The following PTPRT variants were observed in gnomAD, a reference collection of about 807,000 sequenced individuals.
PTPRT encodes the protein receptor-type tyrosine-protein phosphatase T.
Under a neutral mutation model 176.8 loss-of-function variants are expected in PTPRT, and 56 were observed. The observed-to-expected ratio is 0.32, with a 90% CI of 0.26 to 0.40. PTPRT has a LOEUF of 0.40. PTPRT is among the 10% of genes least tolerant of loss of function. The probability of loss-of-function intolerance (pLI) is 1.00; values close to 1 mark genes in which losing one functional copy is unlikely to be tolerated. For synonymous variants in PTPRT, 783 were observed against 739.0 expected (o/e 1.06, Z -0.96); for missense variants, 1,540 against 1,908.2 (o/e 0.81, Z 3.60).
At chr20:42,106,982 C>G (rs948350766) in intron 23 of PTPRT, 61 bp from the exon 24 acceptor site, 3 of 1,579,458 alleles carry the variant, frequency 1.9e-6, no homozygotes, top group Admixed American at 1.7e-5. Context: ...CCTGGGGAGG[C>G]CCCTAGCATT....
At chr20:43,133,556 T>C (rs2013714386) in intron 1 of PTPRT, among the ~76,000 whole-genome samples, 1 of 152,014 alleles carries the variant, frequency 6.6e-6, no homozygotes, top group South Asian at 2.1e-4. Flanking sequence ...CCATCCTGGC[T>C]AACACACAGT....
chr20:42,138,187 A>G (rs1191078935), intron 18 of PTPRT, among the ~76,000 whole-genome samples: 2 of 152,230 alleles, frequency 1.3e-5, no homozygotes, highest in Non-Finnish European at 2.9e-5. Context: ...TGCTGTAGGC[A>G]TTATACTTTG....
At chr20:42,419,821 C>T (rs1260649239) in intron 9 of PTPRT, among the ~76,000 whole-genome samples, 1 of 152,086 alleles carries the variant, frequency 6.6e-6, no homozygotes, top group East Asian at 1.9e-4. Flanking sequence ...TTAGGGTGGG[C>T]CCTAGACCAA....
At chr20:43,106,296 T>C (rs532948495) in intron 1 of PTPRT, among the ~76,000 whole-genome samples, 27 of 152,168 alleles carry the variant, frequency 1.8e-4, no homozygotes, top group Middle Eastern at 3.4e-3. Flanking sequence ...AGTGCAAATG[T>C]TCAGTAAAAT....
chr20:42,771,635 G>A, intron 4 of PTPRT, 85 bp from the exon 5 acceptor site: 3 of 1,083,376 alleles, frequency 2.8e-6, no homozygotes, highest in Admixed American at 3.4e-5. Flanking sequence ...CTCAGGATGG[G>A]CACTGGGCAG....
intron 7 of PTPRT, among the ~76,000 whole-genome samples, chr20:42,513,517 GTTC>G (rs1034314867): frequency 4.6e-5 from 7 of 151,934 alleles, no homozygotes; most frequent in African/African-American, 1.7e-4. Flanking sequence ...ATTATTTTGT[GTTC>G]TTATTTTCTA....
At chr20:42,576,032 C>T (rs369728395) in intron 7 of PTPRT, among the ~76,000 whole-genome samples, 8 of 152,296 alleles carry the variant, frequency 5.3e-5, no homozygotes, top group Admixed American at 1.3e-4. Flanking sequence ...ATACTCCTGA[C>T]GTGGCAACCT....
chr20:43,067,302 G>T (rs1401123015), intron 1 of PTPRT, among the ~76,000 whole-genome samples: 1 of 152,178 alleles, frequency 6.6e-6, no homozygotes, highest in East Asian at 1.9e-4. Flanking sequence ...CAGACGGGTG[G>T]TTGCCAGGGA....
chr20:42,271,522 G>A (rs1436866214), intron 13 of PTPRT, among the ~76,000 whole-genome samples: 4 of 152,132 alleles, frequency 2.6e-5, no homozygotes, highest in African/African-American at 9.7e-5. Context: ...AAGCAGACAC[G>A]GTGTCCCATT....
rs1222481716 is a variant in PTPRT at position 42,775,792 on chromosome 20, C to T, written c.569-4242G>A. On this transcript the variant is annotated intron_variant, in intron 4 of 30. Transcript: ENST00000373187. ...GGAATCACTTATTGATAAACTCTGA[C>T]CATATGTTAATAGAAAATATGTTTT... Among the ~76,000 whole-genome samples the T allele has an allele frequency of 3.3e-5, 5 of 152,096 alleles. No homozygotes were observed. The East Asian group carries it at 9.6e-4, about 29-fold the overall frequency.
At chr20:42,300,834 C>T (rs1339083857) in intron 12 of PTPRT, among the ~76,000 whole-genome samples, 1 of 150,654 alleles carries the variant, frequency 6.6e-6, no homozygotes, top group African/African-American at 2.4e-5. Flanking sequence ...TGGAAATCAT[C>T]ATTCTCAGTA....
intron 15 of PTPRT, among the ~76,000 whole-genome samples, chr20:42,205,705 C>T (rs2055440115): frequency 6.6e-6 from 1 of 152,176 alleles, no homozygotes; most frequent in African/African-American, 2.4e-5. Flanking sequence ...CACTCTTCCT[C>T]TTCCCCATAG....
intron 7 of PTPRT, among the ~76,000 whole-genome samples, chr20:42,577,125 TA>T (rs1356146005): frequency 6.6e-6 from 1 of 152,132 alleles, no homozygotes; most frequent in East Asian, 1.9e-4. Context: ...AGGAAGAGTA[TA>T]TAGAGGCAGT....
intron 1 of PTPRT, among the ~76,000 whole-genome samples, chr20:43,081,086 T>G (rs564138764): frequency 1.6e-3 from 238 of 152,352 alleles, no homozygotes; most frequent in African/African-American, 5.6e-3. Context: ...GCTTGTCATT[T>G]GTCTTCTTTG....
intron 14 of PTPRT, among the ~76,000 whole-genome samples, chr20:42,244,454 G>A (rs2056413581): frequency 6.6e-6 from 1 of 152,126 alleles, no homozygotes; most frequent in Non-Finnish European, 1.5e-5. Flanking sequence ...GAGGAGACAG[G>A]GTCTGGCTAG....
chr20:42,466,983 C>T (rs184158809), intron 8 of PTPRT, among the ~76,000 whole-genome samples: 71 of 152,126 alleles, frequency 4.7e-4, no homozygotes, highest in African/African-American at 1.7e-3. Context: ...ATATTTGAGG[C>T]AATTTGAGCA....
At chr20:42,576,423 C>T (rs1420554072) in intron 7 of PTPRT, among the ~76,000 whole-genome samples, 3 of 152,202 alleles carry the variant, frequency 2.0e-5, no homozygotes, top group Non-Finnish European at 4.4e-5. Context: ...GTTCCGTAAA[C>T]AGCTGCTGAC....
chr20:42,603,232 A>G (rs1051161774), intron 7 of PTPRT, among the ~76,000 whole-genome samples: 5 of 152,138 alleles, frequency 3.3e-5, no homozygotes, highest in African/African-American at 1.2e-4. Context: ...GTGATGTAGT[A>G]ATGGTATGCT....
At chr20:42,422,487 C>G (rs2059127288) in intron 9 of PTPRT, among the ~76,000 whole-genome samples, 1 of 152,180 alleles carries the variant, frequency 6.6e-6, no homozygotes, top group Non-Finnish European at 1.5e-5. Flanking sequence ...CAAATCAAAA[C>G]CACCATGAGA....
Sources: allele counts gnomAD v4.1 joint callset (sites outside exome capture counted in the v4.1 genomes callset), GRCh38; gene constraint gnomAD v4.1.1; transcripts MANE v1.5; gene names NCBI Gene and HGNC (gene_info 2026-07-23, HGNC 2026-07-21).